NCK1: variants seen among roughly 807,000 people sequenced by gnomAD.
NCK1 encodes NCK adaptor protein 1.
A neutral mutation model predicts 36.6 loss-of-function variants in NCK1; 19 were observed. The ratio of observed to expected loss-of-function variants is 0.52; its 90% CI spans 0.36 to 0.76. The LOEUF (loss-of-function observed/expected upper bound fraction) is 0.76, where lower values mean the gene tolerates loss of function less well. NCK1 is among the 30% of genes least tolerant of loss of function. The pLI is 0.00. For missense variants in NCK1, 358 were observed against 445.6 expected (o/e 0.80, Z 1.77); for synonymous variants, 165 against 156.0 (o/e 1.06, Z -0.43).
At position 136,913,914 on chromosome 3, in the gene NCK1, C is replaced by A. The variant is rs939126283; in HGVS notation, c.-18-14070C>A. Among the ~76,000 whole-genome samples, 4 of 152,190 alleles carry A rather than the reference C, an allele frequency of 2.6e-5. 1 individual carries two copies. The highest frequency in any genetic ancestry group is 4.8e-5 in the African/African-American group (2 of 41,450). ...CGATCTCCTGACCTTGTGATCCTGG[C>A]CTCCCAAAGTGCTGGGATTACAGGC... On this transcript the variant is annotated intron_variant, in intron 1 of 3. Coordinates refer to ENST00000481752, the MANE Select transcript of NCK1 (RefSeq NM_001291999.2).
At chr3:136,894,013 A>G (rs1256745245) in intron 1 of NCK1, among the ~76,000 whole-genome samples, 1 of 152,120 alleles carries the variant, frequency 6.6e-6, no homozygotes, top group African/African-American at 2.4e-5. Context: ...TTACCCTATT[A>G]GCAAGCATGG....
intron 1 of NCK1, among the ~76,000 whole-genome samples, chr3:136,871,084 G>C (rs1036074994): frequency 6.6e-5 from 10 of 152,062 alleles, no homozygotes; most frequent in Middle Eastern, 6.8e-3. Context: ...CAACTAAAAA[G>C]CTTACTAATT....
intron 1 of NCK1, among the ~76,000 whole-genome samples, chr3:136,868,324 A>G (rs1181354757): frequency 6.6e-6 from 1 of 151,972 alleles, no homozygotes; most frequent in Non-Finnish European, 1.5e-5. Context: ...TGTCATGTTT[A>G]CCATTGAGTT....
At chr3:136,890,917 C>T (rs1939226805) in intron 1 of NCK1, among the ~76,000 whole-genome samples, 1 of 152,208 alleles carries the variant, frequency 6.6e-6, no homozygotes, top group Non-Finnish European at 1.5e-5. Flanking sequence ...CTGGCAATCA[C>T]CATTCTACTT....
intron 1 of NCK1, among the ~76,000 whole-genome samples, chr3:136,924,044 G>T (rs1377888282): frequency 6.6e-6 from 1 of 152,182 alleles, no homozygotes; most frequent in Non-Finnish European, 1.5e-5. Context: ...TATTGAAATA[G>T]TTGATCTAGG....
chr3:136,915,181 G>T (rs1352809596), intron 1 of NCK1, among the ~76,000 whole-genome samples: 2 of 152,152 alleles, frequency 1.3e-5, no homozygotes, highest in Admixed American at 1.3e-4. Flanking sequence ...CCTTAAGGAG[G>T]CTTCATCAAG....
chr3:136,899,761 T>G, intron 1 of NCK1: 5 of 1,253,466 alleles, frequency 4.0e-6, no homozygotes, highest in Non-Finnish European at 5.8e-6. Flanking sequence ...TCAACTCTTT[T>G]ATCTTGAGAC....
At chr3:136,876,551 A>C (rs1938778432) in intron 1 of NCK1, among the ~76,000 whole-genome samples, 1 of 152,154 alleles carries the variant, frequency 6.6e-6, no homozygotes, top group African/African-American at 2.4e-5. Context: ...GTGTCAGTGT[A>C]TATATAAATC....
At chr3:136,866,316 T>G in intron 1 of NCK1, among the ~76,000 whole-genome samples, 1 of 151,940 alleles carries the variant, frequency 6.6e-6, no homozygotes, top group Admixed American at 6.5e-5. Flanking sequence ...TTCTTTCTTT[T>G]TTTTTTTTTG....
chr3:136,870,297 A>C (rs1282539334), intron 1 of NCK1, among the ~76,000 whole-genome samples: 4 of 151,438 alleles, frequency 2.6e-5, no homozygotes, highest in African/African-American at 9.7e-5. Context: ...AGCCGAGATC[A>C]TGCCACTGCA....
At chr3:136,941,544 A>G (rs1159958492) in intron 2 of NCK1, among the ~76,000 whole-genome samples, 1 of 152,026 alleles carries the variant, frequency 6.6e-6, no homozygotes, top group Admixed American at 6.6e-5. Flanking sequence ...ATCATGTTTG[A>G]ATTAATACCA....
intron 2 of NCK1, among the ~76,000 whole-genome samples, chr3:136,943,392 G>A (rs1940727078): frequency 6.6e-6 from 1 of 152,170 alleles, no homozygotes; most frequent in South Asian, 2.1e-4. Flanking sequence ...CATGAGTGTT[G>A]GGTTTGAGGT....
At chr3:136,881,674 C>T (rs1938941679) in intron 1 of NCK1, among the ~76,000 whole-genome samples, 1 of 152,190 alleles carries the variant, frequency 6.6e-6, no homozygotes, top group South Asian at 2.1e-4. Context: ...ACTAACAACT[C>T]CCCAAGTCTT....
chr3:136,904,315 G>A (rs894375194), intron 1 of NCK1, among the ~76,000 whole-genome samples: 1 of 152,062 alleles, frequency 6.6e-6, no homozygotes, highest in Non-Finnish European at 1.5e-5. Context: ...ACCGTGCCCA[G>A]CTAATTTTTG....
chr3:136,876,010 C>A (rs1161209416), intron 1 of NCK1, among the ~76,000 whole-genome samples: 1 of 151,740 alleles, frequency 6.6e-6, no homozygotes, highest in Non-Finnish European at 1.5e-5. Context: ...CACTCAAAAC[C>A]GCTCAACTAC....
At chr3:136,911,331 C>CT (rs1211225151) in intron 1 of NCK1, among the ~76,000 whole-genome samples, 1 of 152,168 alleles carries the variant, frequency 6.6e-6, no homozygotes, top group African/African-American at 2.4e-5. Flanking sequence ...CCTCCATACT[C>CT]TTTTTCATAA....
chr3:136,910,103 G>A (rs1053995263), intron 1 of NCK1, among the ~76,000 whole-genome samples: 39 of 152,194 alleles, frequency 2.6e-4, no homozygotes, highest in Middle Eastern at 3.4e-3. Context: ...CTGTTATTTT[G>A]CTATTTGTTT....
At chr3:136,914,922 G>A (rs1939920593) in intron 1 of NCK1, among the ~76,000 whole-genome samples, 1 of 152,260 alleles carries the variant, frequency 6.6e-6, no homozygotes, top group South Asian at 2.1e-4. Context: ...TCCTGTGGGA[G>A]CCAGTTGTTA....
chr3:136,880,700 G>T (rs1461390848), intron 1 of NCK1, among the ~76,000 whole-genome samples: 1 of 152,036 alleles, frequency 6.6e-6, no homozygotes, highest in Admixed American at 6.6e-5. Context: ...AATCTCCTAG[G>T]TTCAAGGGAT....
Sources: allele counts gnomAD v4.1 joint callset (sites outside exome capture counted in the v4.1 genomes callset), GRCh38; gene constraint gnomAD v4.1.1; transcripts MANE v1.5; gene names NCBI Gene and HGNC (gene_info 2026-07-23, HGNC 2026-07-21).